Variants in OPCML observed in about 807,000 individuals in gnomAD.
OPCML encodes opioid binding protein/cell adhesion molecule like.
A neutral mutation model predicts 37.8 loss-of-function variants in OPCML; 13 were observed. That is an observed-to-expected ratio of 0.34 (90% CI 0.22 to 0.55). The LOEUF (loss-of-function observed/expected upper bound fraction) is 0.55. Among genes scored for constraint, OPCML ranks in the 20% least tolerant of loss-of-function variants. The pLI is 0.91. For missense variants in OPCML, 341 were observed against 435.6 expected (o/e 0.78, Z 1.93); for synonymous variants, 176 against 168.8 (o/e 1.04, Z -0.33).
intron 1 of OPCML, among the ~76,000 whole-genome samples, chr11:133,428,741 AT>A (rs1305326091): frequency 6.6e-6 from 1 of 152,208 alleles, no homozygotes; most frequent in Non-Finnish European, 1.5e-5. Flanking sequence ...AGTGAATGAT[AT>A]AAAGATATTA....
chr11:132,732,231 G>C (rs1945102167), intron 2 of OPCML, among the ~76,000 whole-genome samples: 1 of 152,292 alleles, frequency 6.6e-6, no homozygotes, highest in Non-Finnish European at 1.5e-5. Context: ...AGTTGGAAGA[G>C]AGGTGAATGA....
intron 1 of OPCML, among the ~76,000 whole-genome samples, chr11:133,515,272 C>T (rs2120653753): frequency 6.6e-6 from 1 of 152,316 alleles, no homozygotes; most frequent in South Asian, 2.1e-4. Context: ...TGCTAGGATA[C>T]TGCACTGACC....
At chr11:133,396,862 C>T (rs1329192501) in intron 1 of OPCML, among the ~76,000 whole-genome samples, 1 of 152,144 alleles carries the variant, frequency 6.6e-6, no homozygotes, top group African/African-American at 2.4e-5. Flanking sequence ...TGATCCCTTA[C>T]CCTTCTGGGC....
intron 2 of OPCML, among the ~76,000 whole-genome samples, chr11:132,716,165 T>C (rs1056219866): frequency 3.3e-5 from 5 of 152,138 alleles, no homozygotes; most frequent in Non-Finnish European, 7.4e-5. Context: ...GGCCTGCACC[T>C]CCCATGTGCA....
chr11:132,873,574 T>C (rs1447149108), intron 2 of OPCML, among the ~76,000 whole-genome samples: 1 of 151,916 alleles, frequency 6.6e-6, no homozygotes. Context: ...AAAGATAAGG[T>C]AGCAGGGCTT....
intron 2 of OPCML, among the ~76,000 whole-genome samples, chr11:132,799,754 C>T (rs1427256592): frequency 6.6e-6 from 1 of 151,794 alleles, no homozygotes; most frequent in Non-Finnish European, 1.5e-5. Flanking sequence ...AATGTGATAT[C>T]TGCAAAGCTC....
At chr11:133,476,485 T>C (rs1049788304) in intron 1 of OPCML, among the ~76,000 whole-genome samples, 2 of 152,172 alleles carry the variant, frequency 1.3e-5, no homozygotes, top group African/African-American at 4.8e-5. Context: ...TTCAAATATT[T>C]TCCCTGTGTA....
intron 2 of OPCML, among the ~76,000 whole-genome samples, chr11:132,705,728 G>A (rs899129647): frequency 1.4e-4 from 21 of 152,200 alleles, no homozygotes; most frequent in African/African-American, 4.8e-4. Context: ...CCTAGAAGCA[G>A]ATGTTCATGC....
chr11:132,841,293 C>A (rs1210069940), intron 2 of OPCML, among the ~76,000 whole-genome samples: 2 of 152,216 alleles, frequency 1.3e-5, no homozygotes, highest in Non-Finnish European at 2.9e-5. Context: ...CTTACTGACC[C>A]CCCGGCCCCC....
chr11:133,053,488 C>T (rs1274594546), intron 1 of OPCML, among the ~76,000 whole-genome samples: 1 of 152,178 alleles, frequency 6.6e-6, no homozygotes, highest in Non-Finnish European at 1.5e-5. Flanking sequence ...GGTTTCCATC[C>T]ACTCCAGTCA....
At chr11:132,563,436 C>G (rs932351137) in intron 3 of OPCML, among the ~76,000 whole-genome samples, 2 of 151,946 alleles carry the variant, frequency 1.3e-5, no homozygotes, top group African/African-American at 2.4e-5. Flanking sequence ...GCTGTTGACT[C>G]TTGCACAATT....
rs190877135 is a variant in OPCML, at chr11:132,527,152, C to T, written c.505+1909G>A. Among the ~76,000 whole-genome samples the T allele has an allele frequency of 3.2e-4, 49 of 151,468 alleles. 1 individual carries two copies. The highest frequency in any genetic ancestry group is 1.1e-3 in the African/African-American group (45 of 40,836). On this transcript the variant is annotated intron_variant, in intron 4 of 7. Coordinates refer to ENST00000524381, the MANE Select transcript of OPCML (RefSeq NM_001012393.5). ...CCTGTCAATGGTTATTTGGGTTATT[C>T]GTCGTTTACAGCTATTATTAATGAA...
chr11:132,464,649 G>A (rs1017251385), intron 4 of OPCML, among the ~76,000 whole-genome samples: 21 of 152,026 alleles, frequency 1.4e-4, no homozygotes, highest in African/African-American at 4.6e-4. Context: ...CTGGGAAAAT[G>A]GGCAAATCAT....
At chr11:132,656,928 C>G (rs1941736760) in intron 3 of OPCML, among the ~76,000 whole-genome samples, 159 bp downstream of exon 3, 1 of 152,106 alleles carries the variant, frequency 6.6e-6, no homozygotes, top group Admixed American at 6.5e-5. Context: ...AGTTAAGTAC[C>G]CATTCGATGG....
intron 1 of OPCML, among the ~76,000 whole-genome samples, chr11:133,151,631 C>A (rs1949988471): frequency 6.6e-6 from 1 of 152,162 alleles, no homozygotes; most frequent in Non-Finnish European, 1.5e-5. Context: ...TACATCTTCA[C>A]TAGTTTGGGG....
At chr11:133,517,806 T>A (rs1476200101) in intron 1 of OPCML, among the ~76,000 whole-genome samples, 1 of 151,824 alleles carries the variant, frequency 6.6e-6, no homozygotes, top group East Asian at 1.9e-4. Context: ...TGAGCCAGAG[T>A]GAGTGAATGA....
At chr11:133,142,967 C>A (rs1949846416) in intron 1 of OPCML, among the ~76,000 whole-genome samples, 1 of 152,188 alleles carries the variant, frequency 6.6e-6, no homozygotes, top group South Asian at 2.1e-4. Context: ...ATGGGCCATG[C>A]TGCTGGCTCT....
At chr11:133,185,576 T>C (rs1252261273) in intron 1 of OPCML, among the ~76,000 whole-genome samples, 2 of 152,138 alleles carry the variant, frequency 1.3e-5, no homozygotes, top group Non-Finnish European at 2.9e-5. Flanking sequence ...ATCTGGAAGG[T>C]TAAATCTACT....
At chr11:133,037,958 G>A (rs922495992) in intron 1 of OPCML, among the ~76,000 whole-genome samples, 2 of 152,228 alleles carry the variant, frequency 1.3e-5, no homozygotes, top group Non-Finnish European at 2.9e-5. Flanking sequence ...CTTGGACTCA[G>A]TGTGCTGGTC....
Sources: allele counts gnomAD v4.1 joint callset (sites outside exome capture counted in the v4.1 genomes callset), GRCh38; gene constraint gnomAD v4.1.1; transcripts MANE v1.5; gene names NCBI Gene and HGNC (gene_info 2026-07-23, HGNC 2026-07-21).